PTH2R: variants seen among roughly 807,000 people sequenced by gnomAD.
PTH2R encodes PTH2 receptor.
A neutral mutation model predicts 60.3 loss-of-function variants in PTH2R; 59 were observed. The observed-to-expected ratio is 0.98, with a 90% CI of 0.79 to 1.22. The LOEUF (loss-of-function observed/expected upper bound fraction) is 1.22. PTH2R is among the 50% of genes most tolerant of loss of function. The pLI is 0.00. For synonymous variants in PTH2R, 256 were observed against 243.8 expected (o/e 1.05, Z -0.47); for missense variants, 749 against 682.6 (o/e 1.10, Z -1.08).
In PTH2R at chr2:208,426,174, G is replaced by A. The variant is rs561104795; in HGVS notation, c.76-2027G>A. Reference sequence around the variant, plus strand: ...GGTATCTATATTTATAACTTTAGGGGCTTTTAATAAAGTACAAATTACCAA... The same window carrying A: ...GGTATCTATATTTATAACTTTAGGGACTTTTAATAAAGTACAAATTACCAA... On this transcript the variant is annotated intron_variant, in intron 1 of 12. Coordinates refer to ENST00000272847, the MANE Select transcript of PTH2R (RefSeq NM_005048.4). Among the ~76,000 whole-genome samples the A allele has an allele frequency of 1.2e-4, 19 of 152,250 alleles. No individual in the cohort carries two copies. The South Asian group carries it at 3.9e-3, about 32-fold the overall frequency.
chr2:208,435,458 C>T (rs1232409330), intron 2 of PTH2R, among the ~76,000 whole-genome samples: 3 of 151,990 alleles, frequency 2.0e-5, no homozygotes, highest in Non-Finnish European at 2.9e-5. Context: ...TCATACGGGC[C>T]CTTTAAAGTG....
chr2:208,464,606 G>T (rs924298429), intron 9 of PTH2R, among the ~76,000 whole-genome samples: 1 of 152,166 alleles, frequency 6.6e-6, no homozygotes, highest in Non-Finnish European at 1.5e-5. Context: ...GGGCCAGGCT[G>T]TCTTTGTTAG....
chr2:208,442,467 T>G lies in PTH2R; in HGVS notation c.509+6T>G. The G allele has an allele frequency of 6.3e-7, 1 of 1,583,676 alleles. No individual in the cohort carries two copies. Among genetic ancestry groups the G allele is most frequent in the Non-Finnish European group, 8.7e-7 (1 of 1,152,452 alleles). On this transcript the variant is annotated splice_donor_region_variant and intron_variant, in intron 5 of 12. Transcript: ENST00000272847. ...CTCATCATTGGTTACTTCAGGTGAG[T>G]GATGCCCATCACTTTTTCCATGAAG...
intron 10 of PTH2R, among the ~76,000 whole-genome samples, chr2:208,482,233 G>T (rs1391234572): frequency 1.3e-5 from 2 of 152,216 alleles, no homozygotes; most frequent in Admixed American, 6.5e-5. Context: ...GTGGGATCTG[G>T]CCAGCAGCCC....
intron 10 of PTH2R, among the ~76,000 whole-genome samples, chr2:208,483,053 T>C (rs1703193660): frequency 6.6e-6 from 1 of 152,336 alleles, no homozygotes; most frequent in African/African-American, 2.4e-5. Flanking sequence ...ATTTCAACTT[T>C]TATTCCTTAG....
chr2:208,433,667 G>T, intron 2 of PTH2R, among the ~76,000 whole-genome samples: 1 of 152,112 alleles, frequency 6.6e-6, no homozygotes, highest in East Asian at 1.9e-4. Flanking sequence ...AGAGAGAAAA[G>T]GATATATAAA....
At chr2:208,385,804 TAAG>T (rs1223130542) in intron 1 of PTH2R, among the ~76,000 whole-genome samples, 1 of 152,204 alleles carries the variant, frequency 6.6e-6, no homozygotes, top group Non-Finnish European at 1.5e-5. Context: ...ACACAGAAGA[TAAG>T]AAAACCAACT....
chr2:208,361,869 T>G (rs1386485135), intron 1 of PTH2R, among the ~76,000 whole-genome samples: 1 of 152,356 alleles, frequency 6.6e-6, no homozygotes, highest in East Asian at 1.9e-4. Flanking sequence ...TGATGTTTAA[T>G]TATGTGTCAC....
Position 208,425,385 on chromosome 2 carries a change from C to T in PTH2R, c.76-2816C>T, listed in dbSNP as rs6726355. On this transcript the variant is annotated intron_variant, in intron 1 of 12. Transcript: ENST00000272847. ...AGTGTTCCATGCCAGTTTACCATTG[C>T]CATGGCAACACTGAAAGTTACCACC... Among the ~76,000 whole-genome samples the T allele has an allele frequency of 1.2e-3, 177 of 152,266 alleles. 1 individual carries two copies. Among genetic ancestry groups the T allele is most frequent in the African/African-American group, 4.1e-3 (170 of 41,564 alleles).
chr2:208,379,721 G>T (rs773722457), intron 1 of PTH2R, among the ~76,000 whole-genome samples: 2 of 151,926 alleles, frequency 1.3e-5, no homozygotes, highest in Non-Finnish European at 1.5e-5. Flanking sequence ...TTAGCTGGGT[G>T]TGGTGGTGTG....
chr2:208,377,477 T>A (rs4268881), intron 1 of PTH2R, among the ~76,000 whole-genome samples: 64,808 of 148,262 alleles, frequency 0.44, 16,296 homozygotes, highest in Admixed American at 0.54. Flanking sequence ...ACCTCCCGGA[T>A]GGGGCGGCGG....
upstream of PTH2R, among the ~76,000 whole-genome samples, chr2:208,403,579 G>A (rs776810728): frequency 1.3e-5 from 2 of 152,178 alleles, no homozygotes; most frequent in African/African-American, 2.4e-5. Flanking sequence ...CTGCAAGCAC[G>A]GGAGTTCAAT....
chr2:208,422,742 G>A (rs1030754630), intron 1 of PTH2R, among the ~76,000 whole-genome samples: 11 of 152,020 alleles, frequency 7.2e-5, no homozygotes, highest in African/African-American at 2.4e-4. Context: ...CATGTGTATC[G>A]TTTACCCAGT....
Position 208,482,354 on chromosome 2 carries a change from C to T in PTH2R, c.1076+1190C>T, listed in dbSNP as rs568588369. Among the ~76,000 whole-genome samples, 179 of 152,222 alleles carry T rather than the reference C, an allele frequency of 1.2e-3. 1 individual carries two copies. The highest frequency in any genetic ancestry group is 4.2e-3 in the African/African-American group (175 of 41,532). On this transcript the variant is annotated intron_variant, in intron 10 of 12. Transcript: ENST00000272847. ...TCCAGGGGGTCACCGCCTTCTGGTCCCACAGTGCCAACAATGCACTGGATA... is the reference window on the plus strand; with the variant it reads ...TCCAGGGGGTCACCGCCTTCTGGTCTCACAGTGCCAACAATGCACTGGATA...
At chr2:208,372,046 C>G (rs564993454) in intron 1 of PTH2R, among the ~76,000 whole-genome samples, 1 of 151,936 alleles carries the variant, frequency 6.6e-6, no homozygotes, top group Non-Finnish European at 1.5e-5. Context: ...CTCAGCCTCC[C>G]GAACAGCTGG....
intron 1 of PTH2R, among the ~76,000 whole-genome samples, chr2:208,383,832 G>A (rs1299793545): frequency 6.6e-6 from 1 of 152,180 alleles, no homozygotes; most frequent in Non-Finnish European, 1.5e-5. Context: ...GTGAGCATCA[G>A]TGGGGATCTG....
intron 1 of PTH2R, among the ~76,000 whole-genome samples, chr2:208,395,924 C>T (rs538526709): frequency 5.1e-4 from 77 of 152,322 alleles, no homozygotes; most frequent in African/African-American, 1.8e-3. Flanking sequence ...TACAAGGCTA[C>T]TGTAACCAAA....
At chr2:208,433,980 A>G (rs1379078767) in intron 2 of PTH2R, among the ~76,000 whole-genome samples, 1 of 152,218 alleles carries the variant, frequency 6.6e-6, no homozygotes, top group African/African-American at 2.4e-5. Flanking sequence ...ATTTACTCAC[A>G]TTGGATGGCA....
At chr2:208,384,200 T>C (rs949366429) in intron 1 of PTH2R, among the ~76,000 whole-genome samples, 2 of 152,142 alleles carry the variant, frequency 1.3e-5, no homozygotes, top group Admixed American at 6.5e-5. Flanking sequence ...TTAGAGCAGG[T>C]TTCCGGGTGA....
Sources: gnomAD v4.1 joint callset for allele counts (sites outside exome capture counted in the v4.1 genomes callset) on GRCh38, gnomAD v4.1.1 for gene constraint, MANE v1.5 for transcripts, NCBI Gene and HGNC (gene_info 2026-07-23, HGNC 2026-07-21) for gene names.